RIMS2: variants seen among roughly 807,000 people sequenced by gnomAD.
RIMS2 encodes the protein regulating synaptic membrane exocytosis protein 2.
A neutral mutation model predicts 174.4 loss-of-function variants in RIMS2; 59 were observed. That is an observed-to-expected ratio of 0.34 (90% CI 0.27 to 0.42). The LOEUF is 0.42. Among genes scored for constraint, RIMS2 ranks in the 10% least tolerant of loss-of-function variants. RIMS2 has a pLI of 1.00. For missense variants in RIMS2, 1,620 were observed against 1,666.3 expected (o/e 0.97, Z 0.48); for synonymous variants, 606 against 572.5 (o/e 1.06, Z -0.84).
intron 12 of RIMS2, among the ~76,000 whole-genome samples, chr8:103,932,526 C>T (rs898997626): frequency 2.6e-5 from 4 of 152,070 alleles, no homozygotes; most frequent in Non-Finnish European, 5.9e-5. Context: ...CTGTTTTTAA[C>T]AATTTAGGTT....
At chr8:103,834,897 A>G (rs2098862218) in intron 3 of RIMS2, among the ~76,000 whole-genome samples, 1 of 151,436 alleles carries the variant, frequency 6.6e-6, no homozygotes, top group South Asian at 2.1e-4. Context: ...CAACCTCCTG[A>G]GTAGCTGGGA....
At chr8:103,598,944 T>G (rs939555449) in intron 1 of RIMS2, among the ~76,000 whole-genome samples, 9 of 152,126 alleles carry the variant, frequency 5.9e-5, no homozygotes, top group Non-Finnish European at 1.2e-4. Context: ...TTACCATTGA[T>G]GTATCTGTTA....
At chr8:103,830,115 T>A (rs2098816622) in intron 3 of RIMS2, among the ~76,000 whole-genome samples, 1 of 152,152 alleles carries the variant, frequency 6.6e-6, no homozygotes, top group Non-Finnish European at 1.5e-5. Flanking sequence ...GATATTGTTA[T>A]TTTGTGATGT....
chr8:103,726,745 A>ATATT, intron 2 of RIMS2, among the ~76,000 whole-genome samples: 1 of 147,470 alleles, frequency 6.8e-6, no homozygotes, highest in Non-Finnish European at 1.5e-5. Context: ...ATATATATAT[A>ATATT]TTTTTGAGAC....
chr8:103,551,972 A>G (rs2131616311), intron 1 of RIMS2, among the ~76,000 whole-genome samples: 1 of 152,328 alleles, frequency 6.6e-6, no homozygotes, highest in East Asian at 1.9e-4. Context: ...AAATGGAAGA[A>G]CATTCCATGC....
intron 10 of RIMS2, chr8:103,922,725 C>T: frequency 6.2e-6 from 2 of 324,698 alleles, no homozygotes; most frequent in Non-Finnish European, 6.5e-6. Context: ...TATGAAATTT[C>T]TCCTTTGGTT....
intron 4 of RIMS2, among the ~76,000 whole-genome samples, chr8:103,903,028 A>T (rs561807121): frequency 6.6e-6 from 1 of 152,188 alleles, no homozygotes; most frequent in East Asian, 1.9e-4. Flanking sequence ...AAAAAACATA[A>T]AAGAGTCATA....
intron 22 of RIMS2, among the ~76,000 whole-genome samples, chr8:104,250,294 T>A (rs1388223639): frequency 6.6e-6 from 1 of 152,178 alleles, no homozygotes; most frequent in Non-Finnish European, 1.5e-5. Flanking sequence ...ACTTTTCTAT[T>A]TCTAGCTTCA....
At chr8:104,234,652 A>G (rs995611063) in intron 19 of RIMS2, among the ~76,000 whole-genome samples, 1 of 152,210 alleles carries the variant, frequency 6.6e-6, no homozygotes, top group African/African-American at 2.4e-5. Flanking sequence ...CCAAAATGAT[A>G]AGCCTTACTT....
chr8:104,093,527 G>C (rs757850373), intron 19 of RIMS2: 2 of 1,597,036 alleles, frequency 1.3e-6, no homozygotes, highest in Admixed American at 3.3e-5. Flanking sequence ...CTAAATCTTC[G>C]GACAGTGATG....
At chr8:103,811,463 G>A (rs1564721874) in intron 3 of RIMS2, among the ~76,000 whole-genome samples, 1 of 151,886 alleles carries the variant, frequency 6.6e-6, no homozygotes. Context: ...ATTTATTTTT[G>A]AGTCGGAGTC....
chr8:104,090,069 A>T (rs1398254330), intron 19 of RIMS2, among the ~76,000 whole-genome samples: 8 of 150,704 alleles, frequency 5.3e-5, no homozygotes, highest in Non-Finnish European at 1.0e-4. Context: ...TATATATATT[A>T]TATATATATA....
intron 2 of RIMS2, among the ~76,000 whole-genome samples, chr8:103,708,731 C>G (rs2097264391): frequency 6.6e-6 from 1 of 152,084 alleles, no homozygotes; most frequent in South Asian, 2.1e-4. Context: ...TTTTCACTTG[C>G]TGCTTAAGTA....
chr8:104,145,549 A>G (rs7460257), intron 19 of RIMS2, among the ~76,000 whole-genome samples: 83,097 of 151,216 alleles, frequency 0.55, 23,158 homozygotes, highest in Middle Eastern at 0.67. Flanking sequence ...CTTGTGGCTG[A>G]GCGTGGTGGC....
At position 103,949,079 on chromosome 8, in the gene RIMS2, A is replaced by C. The variant is rs1470119809; in HGVS notation, c.2701+6153A>C. 2.7e-5 allele frequency among the ~76,000 whole-genome samples: 4 copies of C among 145,780 alleles called. No individual in the cohort carries two copies. The East Asian group carries it at 8.4e-4, about 30-fold the overall frequency. On this transcript the variant is annotated intron_variant, in intron 14 of 23. Coordinates refer to ENST00000504942, the Ensembl canonical transcript of RIMS2. Reference sequence around the variant, plus strand: ...GAGGTCGAGGCTGCAGTGAGCCATGATCACACCACTACACTCCAGCCTGGG... The same window carrying C: ...GAGGTCGAGGCTGCAGTGAGCCATGCTCACACCACTACACTCCAGCCTGGG...
intron 3 of RIMS2, among the ~76,000 whole-genome samples, chr8:103,861,714 A>T (rs2099059896): frequency 6.6e-6 from 1 of 151,852 alleles, no homozygotes; most frequent in African/African-American, 2.4e-5. Flanking sequence ...TTTATTTTGC[A>T]TTTCTCTGAT....
intron 19 of RIMS2, among the ~76,000 whole-genome samples, chr8:104,169,304 CTATATATATATATA>C (rs751636552): frequency 6.9e-5 from 6 of 87,544 alleles, no homozygotes; most frequent in African/African-American, 2.0e-4. Context: ...TTGTTGTTGG[CTATATATATATATA>C]TATATATATA....
Position 103,642,765 on chromosome 8 carries a change from T to C in RIMS2, c.177-54321T>C, listed in dbSNP as rs913014476. 2.0e-5 allele frequency among the ~76,000 whole-genome samples: 3 copies of C among 152,136 alleles called. No homozygotes were observed. The East Asian group carries it at 5.8e-4, about 29-fold the overall frequency. The stretch of plus-strand genomic sequence containing the variant: ...TCATTCTACCTTTTTCTTTTTTTTA[T>C]GAACAGAAGTCTGATGTAATTCTTA... On this transcript the variant is annotated intron_variant, in intron 1 of 23. Transcript: ENST00000504942.
At position 103,717,191 on chromosome 8, in the gene RIMS2, C is replaced by T. The variant is rs573751208; in HGVS notation, c.387+19895C>T. On this transcript the variant is annotated intron_variant, in intron 2 of 23. Coordinates refer to ENST00000504942, the Ensembl canonical transcript of RIMS2. The stretch of plus-strand genomic sequence containing the variant: ...CAGTTGGAGCCTTTTTCTTCCTCTC[C>T]AAGTCTTTAGTTACTCAGTTGGGGA... Among the ~76,000 whole-genome samples, 3 of 138,878 alleles carry T rather than the reference C, an allele frequency of 2.2e-5. No homozygotes were observed. The Admixed American group carries it at 2.2e-4, about 10-fold the overall frequency. The allele number at this position is 138,878 out of a possible 152,430, so 91.1% of individuals were successfully genotyped here. A position where few individuals can be genotyped will look rare whatever the true frequency, so the allele number is the denominator to read the frequency against.
Sources: allele counts gnomAD v4.1 joint callset (sites outside exome capture counted in the v4.1 genomes callset), GRCh38; gene constraint gnomAD v4.1.1; transcripts MANE v1.5; gene names NCBI Gene and HGNC (gene_info 2026-07-23, HGNC 2026-07-21).